The following FNIP1 variants were observed in gnomAD, a reference collection of about 807,000 sequenced individuals.
FNIP1 encodes folliculin-interacting protein 1.
In FNIP1, 40 loss-of-function variants were observed where a neutral mutation model predicts 124.5. That is an observed-to-expected ratio of 0.32 (90% CI 0.25 to 0.42). The LOEUF (loss-of-function observed/expected upper bound fraction) is 0.42, where lower values mean the gene tolerates loss of function less well. Ranked by LOEUF, FNIP1 falls within the 10% of genes least tolerant of loss-of-function variation. The pLI is 1.00. For missense variants in FNIP1, 1,176 were observed against 1,403.7 expected, an observed-to-expected ratio of 0.84 and a Z score of 2.59; for synonymous variants, 472 against 470.6, an observed-to-expected ratio of 1.00 and a Z score of -0.04.
Position 131,744,661 on chromosome 5 carries a change from T to C in FNIP1, c.122A>G (p.Gln41Arg), listed in dbSNP as rs770944808. 1 of 1,610,258 alleles carries C rather than the reference T, an allele frequency of 6.2e-7. No homozygotes were observed. Among genetic ancestry groups the C allele is most frequent in the Middle Eastern group, 1.7e-4 (1 of 6,044 alleles). The change falls in exon 2 of 18, where the codon CAG becomes CGG. Residue 41 changes from glutamine to arginine, a missense_variant. This residue lies in a region of FNIP1 where 1,109 missense variants were observed against 1,288.5 expected (regional missense o/e 0.86). Coordinates refer to ENST00000510461, the MANE Select transcript of FNIP1 (RefSeq NM_133372.3). Reference sequence around the variant, plus strand: ...GTCTTGATATACAATCAGTCGAATCTGGCTTGGATCAAACTCTGGTAAAGG... The same window carrying C: ...GTCTTGATATACAATCAGTCGAATCCGGCTTGGATCAAACTCTGGTAAAGG... Reference protein sequence around the residue: ...SWPLPEFDPSQIRLIVYQDCE... With the variant: ...SWPLPEFDPSRIRLIVYQDCE...
At chr5:131,746,702 C>A (rs763215826) in intron 1 of FNIP1, among the ~76,000 whole-genome samples, 2 of 152,188 alleles carry the variant, frequency 1.3e-5, no homozygotes, top group Non-Finnish European at 1.5e-5. Context: ...TAGGTTGATT[C>A]CATGTCTTTG....
At chr5:131,650,958 G>A (rs759576281) in intron 16 of FNIP1, among the ~76,000 whole-genome samples, 2 of 152,172 alleles carry the variant, frequency 1.3e-5, no homozygotes, top group African/African-American at 2.4e-5. Context: ...AAAGCTGGGA[G>A]ATGTTGCATG....
rs1767726240 is a variant in FNIP1, at chr5:131,670,748, A to C, written c.2940-117T>G. ...TTTTACACTAGTCTGTATTAAAATC[A>C]AGTGTAAAATCATCCTTATATAATG... is the stretch of plus-strand genomic sequence containing the variant. On this transcript the variant is annotated intron_variant, in intron 14 of 17. Coordinates refer to ENST00000510461, the MANE Select transcript of FNIP1 (RefSeq NM_133372.3). 4 of 685,526 alleles carry C rather than the reference A, an allele frequency of 5.8e-6. No individual in the cohort carries two copies. The East Asian group carries it at 1.2e-4, about 21-fold the overall frequency. 42.5% of individuals were successfully genotyped at this position (685,526 alleles called of 1,614,324 possible).
intron 3 of FNIP1, among the ~76,000 whole-genome samples, chr5:131,721,470 G>A (rs527622286): frequency 1.6e-4 from 25 of 152,088 alleles, no homozygotes; most frequent in Non-Finnish European, 3.2e-4. Context: ...ATTTAAGAGG[G>A]TAGATCTCAT....
intron 2 of FNIP1, among the ~76,000 whole-genome samples, chr5:131,738,592 T>C (rs1053634306): frequency 2.6e-5 from 4 of 152,102 alleles, no homozygotes; most frequent in African/African-American, 9.7e-5. Flanking sequence ...CACCGCCTCC[T>C]GGGATCAAGC....
At position 131,704,140 on chromosome 5, in the gene FNIP1, T is replaced by G. The variant is rs1484980407; in HGVS notation, c.1041A>C (p.Lys347Asn). ...AATGTGAAAAAAAGAATTCATTAAA[T>G]TTGTTATTTTCATCTTCATCTTTGG... is the stretch of plus-strand genomic sequence containing the variant. Reference protein sequence around the residue: ...SLSKDEDENNKFNEFFFSHFP... With the variant: ...SLSKDEDENNNFNEFFFSHFP... Residue 347 changes from lysine to asparagine, a missense_variant, in exon 10 of 18, where the codon AAA becomes AAC. Lys to Asn is a moderately conservative substitution (Grantham distance 94). Coordinates refer to ENST00000510461, the MANE Select transcript of FNIP1 (RefSeq NM_133372.3). 1.2e-6 allele frequency: 2 copies of G among 1,612,866 alleles called. No individual in the cohort carries two copies. The highest frequency in any genetic ancestry group is 1.7e-6 in the Non-Finnish European group (2 of 1,179,118).
At chr5:131,679,787 GTC>G (rs1375916675) in intron 11 of FNIP1, among the ~76,000 whole-genome samples, 1 of 152,202 alleles carries the variant, frequency 6.6e-6, no homozygotes, top group Non-Finnish European at 1.5e-5. Context: ...TTTCTTAGCT[GTC>G]TCTTGGACTA....
chr5:131,767,449 A>G (rs1031951523), intron 1 of FNIP1, among the ~76,000 whole-genome samples: 1 of 150,502 alleles, frequency 6.6e-6, no homozygotes, highest in African/African-American at 2.4e-5. Flanking sequence ...AAAAAAAAAA[A>G]AAAAAAAGAA....
chr5:131,666,750 T>G (rs533378496), intron 15 of FNIP1, among the ~76,000 whole-genome samples: 3 of 152,332 alleles, frequency 2.0e-5, no homozygotes, highest in African/African-American at 7.2e-5. Context: ...CTATTATTAT[T>G]ATTCATCCTA....
At chr5:131,744,517 C>A in intron 2 of FNIP1, 47 bp downstream of exon 2, 1 of 1,551,252 alleles carries the variant, frequency 6.4e-7, no homozygotes, top group South Asian at 1.2e-5. Context: ...CTGGAATTAT[C>A]AAAATGTTCA....
chr5:131,699,180 T>C (rs1768805156), intron 10 of FNIP1, among the ~76,000 whole-genome samples, 178 bp from the exon 11 acceptor site: 1 of 152,204 alleles, frequency 6.6e-6, no homozygotes, highest in African/African-American at 2.4e-5. Context: ...CATTTGGTAA[T>C]TAATGAATGG....
chr5:131,746,203 G>A lies in FNIP1; in HGVS notation c.93-1513C>T, dbSNP rs184497592. Among the ~76,000 whole-genome samples, 724 of 152,296 alleles carry A rather than the reference G, an allele frequency of 4.8e-3. 4 individuals carry two copies. Among genetic ancestry groups the A allele is most frequent in the African/African-American group, 0.017 (687 of 41,538 alleles). ...TGAACACAATACAAATGACAGGACA[G>A]CTGCTAAGAAATGGGAGAACAGACA... On this transcript the variant is annotated intron_variant, in intron 1 of 17. Transcript: ENST00000510461.
At chr5:131,697,968 C>CAAA (rs753487190) in intron 11 of FNIP1, among the ~76,000 whole-genome samples, 62 of 58,588 alleles carry the variant, frequency 1.1e-3, no homozygotes, top group South Asian at 1.5e-3. Flanking sequence ...GACTCCACCT[C>CAAA]AAAAAAAAAA....
At chr5:131,721,626 A>C (rs926068007) in intron 3 of FNIP1, among the ~76,000 whole-genome samples, 3 of 152,062 alleles carry the variant, frequency 2.0e-5, no homozygotes, top group African/African-American at 7.2e-5. Flanking sequence ...GTGAAACCCC[A>C]TCTCTGCTAA....
chr5:131,779,060 TGGGTGCAGC>T (rs1245791446), intron 1 of FNIP1, among the ~76,000 whole-genome samples: 1 of 131,996 alleles, frequency 7.6e-6, no homozygotes, highest in Admixed American at 7.7e-5. Flanking sequence ...GACGAGTTAG[TGGGTGCAGC>T]GCACCAGCAT....
chr5:131,741,392 T>C (rs769240331), intron 2 of FNIP1, among the ~76,000 whole-genome samples: 7 of 152,210 alleles, frequency 4.6e-5, no homozygotes, highest in Non-Finnish European at 2.9e-5. Flanking sequence ...AGTACTTTGG[T>C]TTCTGAAGCA....
intron 10 of FNIP1, among the ~76,000 whole-genome samples, chr5:131,699,916 CAAAA>C (rs3033727): frequency 6.4e-4 from 60 of 93,706 alleles, no homozygotes; most frequent in Admixed American, 2.4e-3. Flanking sequence ...AAGACTGTTT[CAAAA>C]AAAAAAAAAA....
intron 1 of FNIP1, among the ~76,000 whole-genome samples, chr5:131,749,283 T>A (rs1392025133): frequency 6.6e-6 from 1 of 152,136 alleles, no homozygotes; most frequent in Non-Finnish European, 1.5e-5. Context: ...TCCTAGGTTT[T>A]CACAGTCACT....
At chr5:131,707,149 C>T (rs1429656413) in intron 8 of FNIP1, among the ~76,000 whole-genome samples, 1 of 152,192 alleles carries the variant, frequency 6.6e-6, no homozygotes, top group Non-Finnish European at 1.5e-5. Flanking sequence ...ATCCCCTGAT[C>T]TTGGGGATGG....
Sources: allele counts gnomAD v4.1 joint callset (sites outside exome capture counted in the v4.1 genomes callset), GRCh38; gene constraint gnomAD v4.1.1; regional missense constraint gnomAD v4.1.1; transcripts MANE v1.5; gene names NCBI Gene and HGNC (gene_info 2026-07-23, HGNC 2026-07-21).